Variants in UQCRH observed in about 807,000 individuals in gnomAD.
The protein encoded by UQCRH is cytochrome b-c1 complex subunit 6, mitochondrial.
Under a neutral mutation model 16.3 loss-of-function variants are expected in UQCRH, and 14 were observed. The observed-to-expected ratio is 0.86, with a 90% CI of 0.57 to 1.34. The LOEUF is 1.34. Ranked by LOEUF, UQCRH falls within the 40% of genes most tolerant of loss-of-function variation. The pLI is 0.00. For synonymous variants in UQCRH, 41 were observed against 41.9 expected (o/e 0.98, Z 0.08); for missense variants, 89 against 111.9 (o/e 0.80, Z 0.92).
intron 3 of UQCRH, 41 bp from the exon 4 acceptor site, chr1:46,316,511 A>G (rs1448113577): frequency 6.2e-7 from 1 of 1,613,494 alleles, no homozygotes; most frequent in Admixed American, 1.7e-5. Context: ...CATGACATTA[A>G]AGCTGCCAAT....
intron 1 of UQCRH, among the ~76,000 whole-genome samples, chr1:46,304,265 G>A (rs1005510710): frequency 6.6e-6 from 1 of 152,124 alleles, no homozygotes; most frequent in African/African-American, 2.4e-5. Context: ...GTGTGTCTTT[G>A]GGGACAATGA....
intron 2 of UQCRH, chr1:46,309,443 G>C: frequency 3.3e-6 from 1 of 304,642 alleles, no homozygotes; most frequent in Non-Finnish European, 6.0e-6. Flanking sequence ...TGTAATCTCA[G>C]CACTTTGGGA....
At chr1:46,315,906 G>T (rs1661574615) in intron 3 of UQCRH, among the ~76,000 whole-genome samples, 1 of 152,068 alleles carries the variant, frequency 6.6e-6, no homozygotes, top group Non-Finnish European at 1.5e-5. Flanking sequence ...ATATTTGTCA[G>T]CCAAGCACTG....
intron 3 of UQCRH, among the ~76,000 whole-genome samples, 195 bp downstream of exon 3, chr1:46,310,511 G>A (rs1661449904): frequency 6.6e-6 from 1 of 152,206 alleles, no homozygotes; most frequent in South Asian, 2.1e-4. Flanking sequence ...TGTCCAGGCT[G>A]AAGTACAGCG....
At chr1:46,311,287 C>T (rs374386950) in intron 3 of UQCRH, among the ~76,000 whole-genome samples, 6 of 150,218 alleles carry the variant, frequency 4.0e-5, no homozygotes, top group East Asian at 2.0e-4. Context: ...ATTGGCCGGG[C>T]GCGGTGGCTC....
At chr1:46,315,182 C>T (rs533487765) in intron 3 of UQCRH, among the ~76,000 whole-genome samples, 61 of 152,194 alleles carry the variant, frequency 4.0e-4, no homozygotes, top group Admixed American at 9.8e-4. Context: ...CGGTGGCTCA[C>T]GCCTGTAATC....
intron 3 of UQCRH, among the ~76,000 whole-genome samples, 192 bp from the exon 4 acceptor site, chr1:46,316,360 T>C (rs906679321): frequency 5.3e-5 from 8 of 152,136 alleles, no homozygotes; most frequent in Non-Finnish European, 8.8e-5. Context: ...ATGACAGTTA[T>C]CAGATCTAAA....
chr1:46,311,917 C>T (rs1170741408), intron 3 of UQCRH, among the ~76,000 whole-genome samples: 2 of 148,726 alleles, frequency 1.3e-5, no homozygotes, highest in African/African-American at 2.5e-5. Flanking sequence ...GTGTGAACCA[C>T]TGCACCCAGC....
chr1:46,311,769 T>G (rs1661482368), intron 3 of UQCRH, among the ~76,000 whole-genome samples: 1 of 150,862 alleles, frequency 6.6e-6, no homozygotes, highest in South Asian at 2.1e-4. Flanking sequence ...ATGGTTTTTT[T>G]GTTTTTTTTT....
At chr1:46,313,680 G>GAT (rs901817456) in intron 3 of UQCRH, among the ~76,000 whole-genome samples, 3 of 149,468 alleles carry the variant, frequency 2.0e-5, no homozygotes, top group Non-Finnish European at 3.0e-5. Flanking sequence ...TAGATAGATA[G>GAT]ATAGATATAG....
chr1:46,316,736 C>A lies in UQCRH; in HGVS notation c.*152C>A. 1.9e-6 allele frequency: 2 copies of A among 1,051,596 alleles called. No individual in the cohort carries two copies. Among genetic ancestry groups the A allele is most frequent in the Non-Finnish European group, 2.7e-6 (2 of 753,250 alleles). The allele number at this position is 1,051,596 out of a possible 1,614,324, so 65.1% of individuals were successfully genotyped here. On this transcript the variant is annotated 3_prime_UTR_variant, in exon 4 of 4. Coordinates refer to ENST00000311672, the MANE Select transcript of UQCRH (RefSeq NM_006004.4). ...TTAGGCTGGTAGCTTCTATGTAATT[C>A]GCAATGATTCCATCTAAATAAAAGT...
chr1:46,315,076 A>G (rs933632895), intron 3 of UQCRH, among the ~76,000 whole-genome samples: 3 of 152,162 alleles, frequency 2.0e-5, no homozygotes, highest in African/African-American at 2.4e-5. Flanking sequence ...CAAGGCAGGC[A>G]TGTCACTTGA....
chr1:46,306,439 C>T (rs1444807682), intron 1 of UQCRH, among the ~76,000 whole-genome samples: 2 of 137,542 alleles, frequency 1.5e-5, no homozygotes, highest in African/African-American at 5.5e-5. Flanking sequence ...AGTACAGTGG[C>T]GCGATCTCAC....
chr1:46,311,247 A>G (rs1400609842), intron 3 of UQCRH, among the ~76,000 whole-genome samples: 1 of 151,478 alleles, frequency 6.6e-6, no homozygotes, highest in Non-Finnish European at 1.5e-5. Context: ...GTACTTTTCA[A>G]TAACAGACTG....
At chr1:46,310,019 G>A in intron 2 of UQCRH, 136 bp from the exon 3 acceptor site, 1 of 1,518,212 alleles carries the variant, frequency 6.6e-7, no homozygotes, top group Non-Finnish European at 8.8e-7. Flanking sequence ...GCGGCAGTGT[G>A]GCTCTGCCAG....
rs774755490 is a variant in UQCRH at position 46,309,179 on chromosome 1, T to A, written c.81+52T>A. 2.5e-6 allele frequency: 4 copies of A among 1,586,192 alleles called. No individual in the cohort carries two copies. In the Admixed American group the frequency reaches 7.6e-5, roughly 30 times the overall value. On this transcript the variant is annotated intron_variant, in intron 2 of 3. Coordinates refer to ENST00000311672, the MANE Select transcript of UQCRH (RefSeq NM_006004.4). ...ATCTCAGTAAAAGCAGGGTTTGAGC[T>A]TCATGAAATTCTAAGGGCATTTTAA...
At chr1:46,316,084 C>G (rs1395753682) in intron 3 of UQCRH, among the ~76,000 whole-genome samples, 1 of 152,122 alleles carries the variant, frequency 6.6e-6, no homozygotes. Flanking sequence ...ATTTATTTTC[C>G]TCCTAGCATT....
At chr1:46,314,712 C>T (rs1217380708) in intron 3 of UQCRH, among the ~76,000 whole-genome samples, 2 of 151,224 alleles carry the variant, frequency 1.3e-5, no homozygotes, top group African/African-American at 2.4e-5. Context: ...CTGACACGTG[C>T]TGCAACATTG....
intron 1 of UQCRH, among the ~76,000 whole-genome samples, chr1:46,304,259 G>A (rs1661317781): frequency 6.6e-6 from 1 of 152,162 alleles, no homozygotes; most frequent in African/African-American, 2.4e-5. Context: ...GAAGGTGTGT[G>A]TCTTTGGGGA....
Sources: gnomAD v4.1 joint callset for allele counts (sites outside exome capture counted in the v4.1 genomes callset) on GRCh38, gnomAD v4.1.1 for gene constraint, MANE v1.5 for transcripts, NCBI Gene and HGNC (gene_info 2026-07-23, HGNC 2026-07-21) for gene names.